The following FSTL5 variants were observed in gnomAD, a reference collection of about 807,000 sequenced individuals.
The protein encoded by FSTL5 is follistatin-related protein 5.
FSTL5 carries 62 observed loss-of-function variants against 89.1 expected under a neutral mutation model. The observed-to-expected ratio is 0.70, with a 90% CI of 0.57 to 0.86. FSTL5 has a LOEUF of 0.86. Ranked by LOEUF, FSTL5 falls within the 40% of genes least tolerant of loss-of-function variation. The pLI is 0.00. For missense variants in FSTL5, 1,057 were observed against 1,001.6 expected, an observed-to-expected ratio of 1.06 and a Z score of -0.75; for synonymous variants, 383 against 346.2, an observed-to-expected ratio of 1.11 and a Z score of -1.18.
intron 15 of FSTL5, among the ~76,000 whole-genome samples, chr4:161,449,881 G>GTT (rs973794823): frequency 1.3e-5 from 2 of 152,142 alleles, no homozygotes; most frequent in Non-Finnish European, 2.9e-5. Flanking sequence ...ATATCTTGCT[G>GTT]TTATTCTCTT....
At chr4:161,842,239 C>T (rs1005548948) in intron 4 of FSTL5, among the ~76,000 whole-genome samples, 1 of 151,966 alleles carries the variant, frequency 6.6e-6, no homozygotes, top group Admixed American at 6.6e-5. Flanking sequence ...CCAAGTTGGC[C>T]CCCATGCTTG....
At chr4:162,104,756 A>G (rs1731150083) in intron 2 of FSTL5, among the ~76,000 whole-genome samples, 1 of 152,172 alleles carries the variant, frequency 6.6e-6, no homozygotes, top group African/African-American at 2.4e-5. Flanking sequence ...TATGTGTGAC[A>G]GGCTATCTTT....
rs111320233 is a variant in FSTL5 at position 161,894,003 on chromosome 4, A to G, written c.409+26401T>C. 1.4e-3 allele frequency among the ~76,000 whole-genome samples: 209 copies of G among 152,310 alleles called. 1 individual carries two copies. Among genetic ancestry groups the G allele is most frequent in the African/African-American group, 4.1e-3 (169 of 41,580 alleles). ...CTGGAATTTTGCCCATTGTAGAAAC[A>G]TAGGTATGGTTTTTATCCAATTTAT... On this transcript the variant is annotated intron_variant, in intron 4 of 15. Transcript: ENST00000306100.
chr4:162,163,144 T>C (rs1733755692), intron 1 of FSTL5, among the ~76,000 whole-genome samples: 1 of 152,164 alleles, frequency 6.6e-6, no homozygotes, highest in African/African-American at 2.4e-5. Flanking sequence ...TTGAAGTCTA[T>C]GCTTTAGATA....
intron 3 of FSTL5, among the ~76,000 whole-genome samples, chr4:162,010,958 A>T (rs974853700): frequency 1.2e-4 from 19 of 152,182 alleles, no homozygotes; most frequent in African/African-American, 4.3e-4. Flanking sequence ...TATATCTAAA[A>T]GTTGAATTGC....
chr4:161,458,608 A>G (rs1733446978), intron 14 of FSTL5, among the ~76,000 whole-genome samples: 1 of 152,216 alleles, frequency 6.6e-6, no homozygotes, highest in Non-Finnish European at 1.5e-5. Flanking sequence ...ATACTGTAAT[A>G]TAAAGCACAT....
At chr4:161,749,865 AG>A (rs1315938559) in intron 6 of FSTL5, among the ~76,000 whole-genome samples, 1 of 151,806 alleles carries the variant, frequency 6.6e-6, no homozygotes, top group East Asian at 1.9e-4. Flanking sequence ...CAAAAAAGGG[AG>A]GGTGTGAGGG....
intron 15 of FSTL5, among the ~76,000 whole-genome samples, chr4:161,393,887 G>T (rs1202928486): frequency 6.6e-6 from 1 of 152,156 alleles, no homozygotes; most frequent in Non-Finnish European, 1.5e-5. Context: ...GCAATCTCCA[G>T]TCAGGCCTCT....
At chr4:161,802,787 T>G (rs988594060) in intron 4 of FSTL5, among the ~76,000 whole-genome samples, 1 of 151,838 alleles carries the variant, frequency 6.6e-6, no homozygotes, top group African/African-American at 2.4e-5. Flanking sequence ...GTTGCATCAA[T>G]GACAGCATTT....
At chr4:161,844,002 ACAGG>A (rs1351295521) in intron 4 of FSTL5, among the ~76,000 whole-genome samples, 2 of 152,204 alleles carry the variant, frequency 1.3e-5, no homozygotes, top group East Asian at 3.8e-4. Context: ...ATCAGAGTGA[ACAGG>A]CAACCTATAG....
intron 4 of FSTL5, among the ~76,000 whole-genome samples, chr4:161,830,822 T>C (rs781465844): frequency 6.6e-6 from 1 of 152,014 alleles, no homozygotes; most frequent in Admixed American, 6.6e-5. Flanking sequence ...TTTCTTCAAA[T>C]TGTTTGATCA....
At chr4:161,728,481 A>C (rs1739497849) in intron 6 of FSTL5, among the ~76,000 whole-genome samples, 1 of 152,170 alleles carries the variant, frequency 6.6e-6, no homozygotes, top group Non-Finnish European at 1.5e-5. Flanking sequence ...CTAAGGAAGT[A>C]ATGACAGCAT....
At position 161,848,703 on chromosome 4, in the gene FSTL5, C is replaced by A. The variant is rs140244881; in HGVS notation, c.409+71701G>T. 2.5e-4 allele frequency among the ~76,000 whole-genome samples: 38 copies of A among 152,294 alleles called. 1 individual carries two copies. In the East Asian group the frequency reaches 6.6e-3, roughly 26 times the overall value. Reference sequence around the variant, plus strand: ...TTACAATGTGTTGGTTCAAACTCTACTCCATATCGTCGTCATTTGGGGAGT... The same window carrying A: ...TTACAATGTGTTGGTTCAAACTCTAATCCATATCGTCGTCATTTGGGGAGT... On this transcript the variant is annotated intron_variant, in intron 4 of 15. Coordinates refer to ENST00000306100, the MANE Select transcript of FSTL5 (RefSeq NM_020116.5).
intron 12 of FSTL5, among the ~76,000 whole-genome samples, chr4:161,488,675 AATC>A (rs1729762692): frequency 6.6e-6 from 1 of 152,154 alleles, no homozygotes; most frequent in South Asian, 2.1e-4. Flanking sequence ...AAGTAAATAA[AATC>A]ATATTTGAAA....
At chr4:162,095,344 CA>C (rs1245794060) in intron 2 of FSTL5, among the ~76,000 whole-genome samples, 1 of 152,016 alleles carries the variant, frequency 6.6e-6, no homozygotes, top group Admixed American at 6.6e-5. Flanking sequence ...CTAGGTTAAA[CA>C]AAGTTTATAA....
At chr4:161,561,877 A>G (rs1732613987) in intron 8 of FSTL5, among the ~76,000 whole-genome samples, 1 of 152,008 alleles carries the variant, frequency 6.6e-6, no homozygotes, top group Non-Finnish European at 1.5e-5. Context: ...GTCACTATGT[A>G]ACCTTGTAGC....
At chr4:161,693,545 T>C (rs1738026107) in intron 6 of FSTL5, among the ~76,000 whole-genome samples, 2 of 152,092 alleles carry the variant, frequency 1.3e-5, no homozygotes, top group Admixed American at 1.3e-4. Context: ...GAGTCAGTTT[T>C]AGTAATTTGT....
chr4:161,520,439 A>C (rs1288876511), intron 10 of FSTL5, among the ~76,000 whole-genome samples: 2 of 151,978 alleles, frequency 1.3e-5, no homozygotes, highest in Non-Finnish European at 2.9e-5. Context: ...CAGGATAAAA[A>C]TTGCTAGATA....
At chr4:161,989,647 A>G (rs1401893782) in intron 3 of FSTL5, among the ~76,000 whole-genome samples, 1 of 152,150 alleles carries the variant, frequency 6.6e-6, no homozygotes, top group African/African-American at 2.4e-5. Flanking sequence ...AAAATGTTAC[A>G]TACTACGTGA....
Sources: gnomAD v4.1 joint callset for allele counts (sites outside exome capture counted in the v4.1 genomes callset) on GRCh38, gnomAD v4.1.1 for gene constraint, MANE v1.5 for transcripts, NCBI Gene and HGNC (gene_info 2026-07-23, HGNC 2026-07-21) for gene names.